The following EHMT1 variants were observed in gnomAD, a reference collection of about 807,000 sequenced individuals.
EHMT1 encodes euchromatic histone lysine methyltransferase 1.
EHMT1 carries 15 observed loss-of-function variants against 147.2 expected under a neutral mutation model. The ratio of observed to expected loss-of-function variants is 0.10; its 90% CI spans 0.07 to 0.16. The LOEUF is 0.16. EHMT1 is among the 10% of genes least tolerant of loss of function. EHMT1 has a pLI of 1.00. For missense variants in EHMT1, 1,587 were observed against 1,772.4 expected (o/e 0.90, Z 1.88); for synonymous variants, 795 against 709.6 (o/e 1.12, Z -1.91).
intron 1 of EHMT1, among the ~76,000 whole-genome samples, chr9:137,624,086 G>A (rs117418991): frequency 0.043 from 6,380 of 149,208 alleles, 214 homozygotes; most frequent in South Asian, 0.15. Context: ...TGCAACCTCC[G>A]TCTCCTGGGC....
intron 1 of EHMT1, among the ~76,000 whole-genome samples, chr9:137,628,419 A>T (rs1843404986): frequency 1.3e-5 from 2 of 152,176 alleles, no homozygotes; most frequent in Admixed American, 6.6e-5. Context: ...AAAATTACTT[A>T]AACATTTAAT....
chr9:137,778,434 G>A (rs1951126138), intron 13 of EHMT1, among the ~76,000 whole-genome samples: 1 of 152,218 alleles, frequency 6.6e-6, no homozygotes, highest in Non-Finnish European at 1.5e-5. Context: ...GGGCCAAGGG[G>A]CCCTCCAGGC....
intron 1 of EHMT1, among the ~76,000 whole-genome samples, chr9:137,698,953 A>C (rs1437802482): frequency 6.6e-6 from 1 of 150,400 alleles, no homozygotes; most frequent in Non-Finnish European, 1.5e-5. Context: ...AAAAAAAGTC[A>C]GTAGTTTGGT....
chr9:137,770,370 G>A (rs994434304), intron 10 of EHMT1, among the ~76,000 whole-genome samples: 5 of 152,192 alleles, frequency 3.3e-5, no homozygotes, highest in African/African-American at 9.7e-5. Context: ...TGTTTCTAGC[G>A]TTTTACGCTG....
chr9:137,730,619 C>T (rs889401138), intron 4 of EHMT1, among the ~76,000 whole-genome samples: 1 of 152,230 alleles, frequency 6.6e-6, no homozygotes, highest in African/African-American at 2.4e-5. Context: ...TACTAATTTA[C>T]GGACTCTTAT....
chr9:137,834,156 G>A, intron 25 of EHMT1, 193 bp from the exon 26 acceptor site: 1 of 707,668 alleles, frequency 1.4e-6, no homozygotes, highest in Non-Finnish European at 2.3e-6. Context: ...GTGCGGGGTG[G>A]GTGGCCACAC....
intron 1 of EHMT1, among the ~76,000 whole-genome samples, chr9:137,700,400 A>G (rs986646085): frequency 6.6e-6 from 1 of 152,200 alleles, no homozygotes; most frequent in Admixed American, 6.5e-5. Flanking sequence ...ACATTTAAGG[A>G]AAAAACTTCA....
chr9:137,740,487 G>GC (rs1947959726), intron 4 of EHMT1, among the ~76,000 whole-genome samples: 2 of 152,096 alleles, frequency 1.3e-5, no homozygotes, highest in Non-Finnish European at 2.9e-5. Flanking sequence ...CTTTCTCCTG[G>GC]CCCCTGATGA....
intron 1 of EHMT1, among the ~76,000 whole-genome samples, chr9:137,688,212 CA>C (rs1564589395): frequency 6.6e-6 from 1 of 152,148 alleles, no homozygotes; most frequent in Non-Finnish European, 1.5e-5. Flanking sequence ...TTAGTAGAGA[CA>C]GGGGTTCACC....
At position 137,813,818 on chromosome 9, in the gene EHMT1, G is replaced by A. The variant is rs1253759618; in HGVS notation, c.3180+288G>A. Reference sequence around the variant, plus strand: ...CTTTTTTGTAACCTCACACTCAGGGGCCCCGGTGTGGCTTCGTGCTGGGGG... The same window carrying A: ...CTTTTTTGTAACCTCACACTCAGGGACCCCGGTGTGGCTTCGTGCTGGGGG... On this transcript the variant is annotated intron_variant, in intron 21 of 26. Coordinates refer to ENST00000460843, the MANE Select transcript of EHMT1 (RefSeq NM_024757.5). The surrounding 1 kb of genome is among the most constrained non-coding windows in gnomAD (Gnocchi z 4.9). Among the ~76,000 whole-genome samples, 1 of 152,142 alleles carries A rather than the reference G, an allele frequency of 6.6e-6. No individual in the cohort carries two copies. The highest frequency in any genetic ancestry group is 2.4e-5 in the African/African-American group (1 of 41,434).
chr9:137,787,247 T>A lies in EHMT1; in HGVS notation c.2383-3601T>A, dbSNP rs1952052124. The stretch of plus-strand genomic sequence containing the variant: ...TGTTGTAAATTCCTTTACTGTTATC[T>A]CCCCCACGCCCCTACCAAGACCACG... On this transcript the variant is annotated intron_variant, in intron 15 of 26. Coordinates refer to ENST00000460843, the MANE Select transcript of EHMT1 (RefSeq NM_024757.5). This position sits in a 1 kb window ranked among gnomAD's most constrained non-coding sequence, Gnocchi z 4.2. The A allele has an allele frequency of 6.6e-6, 1 of 152,548 alleles. No homozygotes were observed. Among genetic ancestry groups the A allele is most frequent in the African/African-American group, 2.4e-5 (1 of 41,386 alleles). 9.4% of individuals were successfully genotyped at this position (152,548 alleles called of 1,614,324 possible). A position where few individuals can be genotyped will look rare whatever the true frequency, so the allele number is the denominator to read the frequency against.
chr9:137,831,579 C>T (rs534880246), intron 25 of EHMT1, among the ~76,000 whole-genome samples: 8 of 152,320 alleles, frequency 5.3e-5, no homozygotes, highest in Admixed American at 2.0e-4. Context: ...TCTGTTTCTC[C>T]GCTGAGACTT....
At chr9:137,650,506 G>A (rs60793475) in intron 1 of EHMT1, among the ~76,000 whole-genome samples, 1 of 152,046 alleles carries the variant, frequency 6.6e-6, no homozygotes. Context: ...GATGTTGAAC[G>A]TCTTTTCATG....
chr9:137,777,937 G>T lies in EHMT1; in HGVS notation c.2074G>T (p.Val692Leu), dbSNP rs770534271. The part of the protein sequence containing the change: ...DDKLQGAASH[V>L]PEGFDPTGPA... ...CAAGCTGCAGGGTGCAGCCTCCCAC[G>T]TGCCCGAGGGCTTTGATCCAACGGG... is the stretch of plus-strand genomic sequence containing the variant. Residue 692 changes from valine (V) to leucine (L), a missense_variant, in exon 13 of 27, where the codon GTG becomes TTG. This residue lies in a region of EHMT1 where 77 missense variants were observed against 79.3 expected (regional missense o/e 0.97). Transcript: ENST00000460843. The T allele has an allele frequency of 4.3e-6, 7 of 1,613,656 alleles. No homozygotes were observed. The highest frequency in any genetic ancestry group is 2.5e-6 in the Non-Finnish European group (3 of 1,180,032).
At chr9:137,694,714 A>G (rs575788418) in intron 1 of EHMT1, among the ~76,000 whole-genome samples, 43 of 152,308 alleles carry the variant, frequency 2.8e-4, no homozygotes, top group African/African-American at 8.7e-4. Context: ...AGACGCGCCT[A>G]GCACACAGGC....
chr9:137,834,308 G>A, intron 25 of EHMT1, 41 bp from the exon 26 acceptor site: 1 of 1,610,216 alleles, frequency 6.2e-7, no homozygotes, highest in Non-Finnish European at 8.5e-7. Context: ...GCGTGTCGGG[G>A]CCTTGCTAAC....
At chr9:137,767,622 G>A (rs529892039) in intron 10 of EHMT1, among the ~76,000 whole-genome samples, 2 of 152,248 alleles carry the variant, frequency 1.3e-5, no homozygotes, top group East Asian at 3.9e-4. Flanking sequence ...AAACCAGCCC[G>A]GCCAACATGG....
chr9:137,705,535 G>A (rs967818225), intron 1 of EHMT1, among the ~76,000 whole-genome samples: 1 of 152,232 alleles, frequency 6.6e-6, no homozygotes, highest in Admixed American at 6.5e-5. Context: ...CCGTCCTGGT[G>A]TGTACTCTAC....
At chr9:137,697,045 C>G in intron 1 of EHMT1, 1 of 313,734 alleles carries the variant, frequency 3.2e-6, no homozygotes, top group South Asian at 2.3e-5. Flanking sequence ...CTCTGGGAGG[C>G]TGAGGCGGGC....
Sources: gnomAD v4.1 joint callset for allele counts (sites outside exome capture counted in the v4.1 genomes callset) on GRCh38, gnomAD v4.1.1 for gene constraint, gnomAD v4.1.1 regional missense constraint, Gnocchi (gnomAD v3.1) non-coding constraint, MANE v1.5 for transcripts, NCBI Gene and HGNC (gene_info 2026-07-23, HGNC 2026-07-21) for gene names.